Variants in KIF20B observed in about 807,000 individuals in gnomAD.
KIF20B encodes kinesin family member 20B, also known as kinesin-like protein KIF20B.
A neutral mutation model predicts 232.5 loss-of-function variants in KIF20B; 188 were observed. The observed-to-expected ratio is 0.81, with a 90% CI of 0.72 to 0.91. The LOEUF (loss-of-function observed/expected upper bound fraction) is 0.91. Ranked by LOEUF, KIF20B falls within the 40% of genes least tolerant of loss-of-function variation. The pLI is 0.00. For synonymous variants in KIF20B, 712 were observed against 683.0 expected (o/e 1.04, Z -0.66); for missense variants, 2,154 against 2,055.9 (o/e 1.05, Z -0.92).
At position 89,738,047 on chromosome 10, in the gene KIF20B, AG is replaced by A. The variant is rs763602034; in HGVS notation, c.3208del (p.Ala1070ProfsTer23). ...AIWEECKEIV[K>X]ASSKKSHQIE... ...TGGGAAGAATGTAAAGAGATTGTGA[AG>A]GCCTCTTCCAAAAAAAGTCATCAGA... On this transcript the variant is annotated frameshift_variant, in exon 20 of 33. Coordinates refer to ENST00000371728, the MANE Select transcript of KIF20B (RefSeq NM_001284259.2). LOFTEE classifies it high-confidence loss of function. The A allele has an allele frequency of 1.2e-6, 2 of 1,613,478 alleles. No homozygotes were observed. The highest frequency in any genetic ancestry group is 2.2e-5 in the South Asian group (2 of 91,058).
chr10:89,743,866 A>C lies in KIF20B; in HGVS notation c.3974A>C (p.Lys1325Thr). The C allele has an allele frequency of 6.3e-7, 1 of 1,586,844 alleles. No homozygotes were observed. The highest frequency in any genetic ancestry group is 8.6e-7 in the Non-Finnish European group (1 of 1,165,386). Reference protein sequence around the residue: ...LLRIKINELEKKKNQCSQELD... With the variant: ...LLRIKINELETKKNQCSQELD... ...AGGATTAAAATTAATGAACTGGAGAAAAAGAAAAACCAGTGTTCTCAGGAA... is the reference window on the plus strand; with the variant it reads ...AGGATTAAAATTAATGAACTGGAGACAAAGAAAAACCAGTGTTCTCAGGAA... The change falls in exon 22 of 33, where the codon AAA becomes ACA. Residue 1325 changes from lysine to threonine, a missense_variant. Coordinates refer to ENST00000371728, the MANE Select transcript of KIF20B (RefSeq NM_001284259.2).
At position 89,719,642 on chromosome 10, in the gene KIF20B, T is replaced by G. The variant is rs140167608; in HGVS notation, c.1658T>G (p.Leu553Arg). Reference sequence around the variant, plus strand: ...ACTCAAAATGTGGAAACTAAACTTCTTGATGAAGATCTAGATAAAACATTA... The same window carrying G: ...ACTCAAAATGTGGAAACTAAACTTCGTGATGAAGATCTAGATAAAACATTA... Reference protein sequence around the residue: ...EETQNVETKLLDEDLDKTLEE... With the variant: ...EETQNVETKLRDEDLDKTLEE... The change falls in exon 13 of 33, where the codon CTT (leucine) becomes CGT (arginine). Residue 553 changes from leucine to arginine, a missense_variant. Transcript: ENST00000371728. 2.5e-5 allele frequency: 41 copies of G among 1,612,992 alleles called. No homozygotes were observed. In the African/African-American group the frequency reaches 4.8e-4, roughly 19 times the overall value.
chr10:89,709,661 AC>A (rs1564656984), intron 4 of KIF20B, among the ~76,000 whole-genome samples, 200 bp downstream of exon 4: 60 of 151,404 alleles, frequency 4.0e-4, no homozygotes, highest in South Asian at 1.7e-3. Context: ...AGTTATTATT[AC>A]TATATTTTTA....
chr10:89,754,481 G>A (rs760280470), intron 25 of KIF20B, 37 bp from the exon 26 acceptor site: 1 of 1,376,364 alleles, frequency 7.3e-7, no homozygotes, highest in South Asian at 1.7e-5. Flanking sequence ...CTACTTTGTA[G>A]GCATGCGATA....
Position 89,737,565 on chromosome 10 carries a change from A to G in KIF20B, c.2724A>G (p.Leu908=). 1 of 1,607,296 alleles carries G rather than the reference A, an allele frequency of 6.2e-7. No individual in the cohort carries two copies. Among genetic ancestry groups the G allele is most frequent in the Non-Finnish European group, 8.5e-7 (1 of 1,177,318 alleles). ...LKNEKEEKAE[L]NKQIVHFQQE... ...ATGAAAAGGAAGAAAAAGCAGAATTAAATAAACAGATTGTTCATTTTCAGC... is the reference window on the plus strand; with the variant it reads ...ATGAAAAGGAAGAAAAAGCAGAATTGAATAAACAGATTGTTCATTTTCAGC... Residue 908 remains leucine, a synonymous_variant, in exon 20 of 33, where the codon TTA becomes TTG. Transcript: ENST00000371728.
At chr10:89,724,915 T>C (rs923302646) in intron 14 of KIF20B, 105 bp from the exon 15 acceptor site, 1 of 1,151,464 alleles carries the variant, frequency 8.7e-7, no homozygotes. Context: ...GTACCTGGAC[T>C]AAATTTTCTT....
rs144382696 is a variant in KIF20B, at chr10:89,745,252, C to T, written c.4036-647C>T. Among the ~76,000 whole-genome samples the T allele has an allele frequency of 2.5e-3, 380 of 152,302 alleles. 1 individual carries two copies. The highest frequency in any genetic ancestry group is 8.5e-3 in the African/African-American group (355 of 41,554). ...GTAGATTAAAAGTATAGGCTGGGCA[C>T]AGTCGCTCACGCATGTAATCCCAGC... On this transcript the variant is annotated intron_variant, in intron 22 of 32. Transcript: ENST00000371728.
At position 89,723,987 on chromosome 10, in the gene KIF20B, C is replaced by T; in HGVS notation, c.1746C>T (p.Asp582=). Residue 582 remains aspartate (D), a synonymous_variant, in exon 14 of 33, where the codon GAC becomes GAT. Transcript: ENST00000371728. ...EKRKLLDLIE[D]LKKKLINEKK... is the part of the protein sequence containing the mutation. ...AGAAACTGTTGGACTTAATAGAAGA[C>T]TTGAAAAAAAAACTGATAAATGAAA... 1.9e-6 allele frequency: 3 copies of T among 1,562,494 alleles called. No individual in the cohort carries two copies. The highest frequency in any genetic ancestry group is 2.6e-6 in the Non-Finnish European group (3 of 1,159,854).
Position 89,713,406 on chromosome 10 carries a change from A to G in KIF20B, c.676-641A>G, listed in dbSNP as rs531861577. Among the ~76,000 whole-genome samples the G allele has an allele frequency of 9.3e-5, 14 of 149,872 alleles. No homozygotes were observed. The South Asian group carries it at 2.8e-3, about 30-fold the overall frequency. ...TAACAAGTTATCCAGTTAAAACATG[A>G]TACTGTTTTGCCTATGAAATGATTA... On this transcript the variant is annotated intron_variant, in intron 6 of 32. Transcript: ENST00000371728.
At chr10:89,753,529 T>C (rs1206127757) in intron 25 of KIF20B, among the ~76,000 whole-genome samples, 1 of 152,240 alleles carries the variant, frequency 6.6e-6, no homozygotes, top group Non-Finnish European at 1.5e-5. Context: ...TATTTTGCAT[T>C]GTTCTAAGAT....
intron 7 of KIF20B, 56 bp from the exon 8 acceptor site, chr10:89,714,899 G>A (rs368442395): frequency 4.0e-5 from 42 of 1,047,702 alleles, no homozygotes; most frequent in East Asian, 9.7e-5. Context: ...CTTTTGTCAC[G>A]TTTTTAGTCA....
In KIF20B at chr10:89,707,875, G is replaced by A. The variant is rs78666912; in HGVS notation, c.148-1292G>A. ...CTGAGAATTTTTATTACAGATGGAC[G>A]TTGGATTTTGTCAAATGCTGTTTTC... On this transcript the variant is annotated intron_variant, in intron 2 of 32. Transcript: ENST00000371728. Among the ~76,000 whole-genome samples, 692 of 152,284 alleles carry A rather than the reference G, an allele frequency of 4.5e-3. 3 individuals are homozygous for A. Among genetic ancestry groups the A allele is most frequent in the Non-Finnish European group, 7.7e-3 (522 of 68,018 alleles).
At position 89,732,906 on chromosome 10, in the gene KIF20B, A is replaced by G; in HGVS notation, c.2395A>G (p.Lys799Glu). The change falls in exon 19 of 33, where the codon AAG becomes GAG. Residue 799 changes from lysine (K) to glutamate (E), a missense_variant. Physicochemically the swap from Lys to Glu is moderately conservative, Grantham distance 56 (BLOSUM62 1). Coordinates refer to ENST00000371728, the MANE Select transcript of KIF20B (RefSeq NM_001284259.2). ...TTTTTAACTTATTTTGCTTTAGGAC[A>G]AGGCTGATACATCTTCTTTAATAAT... ...HMENTFKCND[K>E]ADTSSLIINN... The G allele has an allele frequency of 6.3e-7, 1 of 1,582,368 alleles. No homozygotes were observed. The highest frequency in any genetic ancestry group is 1.2e-5 in the South Asian group (1 of 85,178).
At chr10:89,773,828 A>G (rs746776143) in intron 32 of KIF20B, 143 bp from the exon 33 acceptor site, 19 of 410,006 alleles carry the variant, frequency 4.6e-5, no homozygotes, top group Non-Finnish European at 8.5e-5. Context: ...AGAAGATGGC[A>G]TATCTGTAGT....
chr10:89,769,722 G>T (rs565683264), intron 31 of KIF20B, among the ~76,000 whole-genome samples: 24 of 151,944 alleles, frequency 1.6e-4, no homozygotes, highest in African/African-American at 5.8e-4. Context: ...TTTTAACACA[G>T]GTGGAGTATC....
At chr10:89,733,940 A>C (rs1291242758) in intron 19 of KIF20B, among the ~76,000 whole-genome samples, 1 of 152,162 alleles carries the variant, frequency 6.6e-6, no homozygotes, top group Non-Finnish European at 1.5e-5. Flanking sequence ...TGAGAAATGA[A>C]GACTTAACAA....
intron 23 of KIF20B, 54 bp downstream of exon 23, chr10:89,746,013 C>T: frequency 5.4e-6 from 7 of 1,288,318 alleles, no homozygotes; most frequent in Non-Finnish European, 7.9e-6. Context: ...ATTCCCCTCG[C>T]AGGGCATGCG....
chr10:89,774,075 AT>A lies in KIF20B; in HGVS notation c.*31del. On this transcript the variant is annotated 3_prime_UTR_variant, in exon 33 of 33. Transcript: ENST00000371728. Reference sequence around the variant, plus strand: ...TCACTTATGGAAATGTTTAATATAAATTTTATAGTCATAGTCATTGGAACTT... The same window carrying A: ...TCACTTATGGAAATGTTTAATATAAATTTATAGTCATAGTCATTGGAACTT... 7.0e-7 allele frequency: 1 copy of A among 1,430,248 alleles called. No individual in the cohort carries two copies. The highest frequency in any genetic ancestry group is 9.6e-7 in the Non-Finnish European group (1 of 1,037,002). The allele number at this position is 1,430,248 out of a possible 1,614,324, so 88.6% of individuals were successfully genotyped here. A position where few individuals can be genotyped will look rare whatever the true frequency, so the allele number is the denominator to read the frequency against.
chr10:89,717,910 C>T (rs983751927), intron 11 of KIF20B, among the ~76,000 whole-genome samples, 188 bp downstream of exon 11: 4 of 152,080 alleles, frequency 2.6e-5, no homozygotes, highest in Non-Finnish European at 4.4e-5. Flanking sequence ...CAGTTGATGC[C>T]AGTAACTCAT....
Sources: gnomAD v4.1 joint callset for allele counts (sites outside exome capture counted in the v4.1 genomes callset) on GRCh38, gnomAD v4.1.1 for gene constraint, MANE v1.5 for transcripts, NCBI Gene and HGNC (gene_info 2026-07-23, HGNC 2026-07-21) for gene names.